Variants in MTA3 observed in about 807,000 individuals in gnomAD.
The protein encoded by MTA3 is metastasis associated 1 family member 3.
MTA3 carries 34 observed loss-of-function variants against 83.5 expected under a neutral mutation model. The ratio of observed to expected loss-of-function variants is 0.41; its 90% CI spans 0.31 to 0.54. The LOEUF is 0.54. Among genes scored for constraint, MTA3 ranks in the 20% least tolerant of loss-of-function variants. The probability of loss-of-function intolerance (pLI) is 0.33; values close to 1 mark genes in which losing one functional copy is unlikely to be tolerated. For missense variants in MTA3, 761 were observed against 726.4 expected (o/e 1.05, Z -0.55); for synonymous variants, 303 against 252.7 (o/e 1.20, Z -1.89).
intron 2 of MTA3, among the ~76,000 whole-genome samples, chr2:42,531,766 GTTTT>G (rs982817060): frequency 6.9e-6 from 1 of 145,340 alleles, no homozygotes; most frequent in East Asian, 2.1e-4. Flanking sequence ...CCAGCTTTTT[GTTTT>G]TTTTGAGACG....
chr2:42,676,554 C>G (rs1691366628), intron 8 of MTA3, among the ~76,000 whole-genome samples: 1 of 152,080 alleles, frequency 6.6e-6, no homozygotes, highest in Non-Finnish European at 1.5e-5. Flanking sequence ...TCGCTTGAGC[C>G]CAGGAGTTGG....
Position 42,552,443 on chromosome 2 carries a change from A to C in MTA3, c.-140-17994A>C, listed in dbSNP as rs144078982. Among the ~76,000 whole-genome samples the C allele has an allele frequency of 2.3e-3, 343 of 152,270 alleles. 3 individuals carry two copies. Among genetic ancestry groups the C allele is most frequent in the African/African-American group, 7.9e-3 (327 of 41,574 alleles). ...AAACTTTCTCTCACTTGGACTATTG[A>C]AAAGGCTTTTTAAAACTAGACTCCT... is the stretch of plus-strand genomic sequence containing the variant. On this transcript the variant is annotated intron_variant, in intron 2 of 17. Coordinates refer to the MTA3 transcript ENST00000405592.
intron 8 of MTA3, among the ~76,000 whole-genome samples, chr2:42,670,471 C>T (rs1421121778): frequency 6.6e-6 from 1 of 152,016 alleles, no homozygotes; most frequent in African/African-American, 2.4e-5. Flanking sequence ...GTAGAATAAG[C>T]ATTCTGATGA....
chr2:42,751,871 C>G (rs1226108654), intron 16 of MTA3, among the ~76,000 whole-genome samples: 3 of 152,202 alleles, frequency 2.0e-5, no homozygotes, highest in Admixed American at 6.5e-5. Context: ...CTGACACTTA[C>G]ATAACCTTCC....
intron 2 of MTA3, among the ~76,000 whole-genome samples, chr2:42,576,241 T>C (rs1173153063): frequency 1.3e-5 from 2 of 152,090 alleles, no homozygotes; most frequent in African/African-American, 4.8e-5. Flanking sequence ...TAGTAATGAA[T>C]TGTATTAACT....
chr2:42,717,530 T>A (rs1359678851), intron 14 of MTA3, among the ~76,000 whole-genome samples: 1 of 152,222 alleles, frequency 6.6e-6, no homozygotes, highest in Non-Finnish European at 1.5e-5. Flanking sequence ...GTTTGTATTG[T>A]ATGCTTTATT....
chr2:42,525,603 T>TTCCCTTCCTTCCTTCC (rs368874061), intron 2 of MTA3, among the ~76,000 whole-genome samples: 1 of 95,422 alleles, frequency 1.0e-5, no homozygotes, highest in Non-Finnish European at 2.2e-5. Context: ...CCTTCCTTCC[T>TTCCCTTCCTTCCTTCC]TTCCTTCCTT....
intron 4 of MTA3, among the ~76,000 whole-genome samples, chr2:42,626,351 G>A (rs1304966135): frequency 6.6e-6 from 1 of 151,654 alleles, no homozygotes; most frequent in Non-Finnish European, 1.5e-5. Flanking sequence ...AGGCTGGAGT[G>A]CAGTGGTGTA....
chr2:42,756,650 C>T lies in MTA3; in HGVS notation c.*3251C>T. On this transcript the variant is annotated 3_prime_UTR_variant, in exon 17 of 17. Transcript: ENST00000405094. ...GGGGAGGGAGGGGGAAGCCTTTATT[C>T]TTTACTGTTGTCCCTGTTTTCCTTT... 1.0e-6 allele frequency: 1 copy of T among 985,458 alleles called. No homozygotes were observed. The highest frequency in any genetic ancestry group is 1.2e-6 in the Non-Finnish European group (1 of 829,958). 61.0% of individuals were successfully genotyped at this position (985,458 alleles called of 1,614,324 possible). A position where few individuals can be genotyped will look rare whatever the true frequency, so the allele number is the denominator to read the frequency against.
At chr2:42,497,259 A>G (rs1383553891) in intron 2 of MTA3, among the ~76,000 whole-genome samples, 1 of 152,028 alleles carries the variant, frequency 6.6e-6, no homozygotes, top group Non-Finnish European at 1.5e-5. Context: ...AAAGGAGTAT[A>G]TAAAAGTAGA....
intron 3 of MTA3, among the ~76,000 whole-genome samples, chr2:42,592,829 T>C (rs949017341): frequency 2.0e-5 from 3 of 152,046 alleles, no homozygotes; most frequent in African/African-American, 7.2e-5. Context: ...TAACCTTTTT[T>C]CCTTAATGAG....
intron 4 of MTA3, among the ~76,000 whole-genome samples, chr2:42,630,800 G>C (rs1229667366): frequency 1.3e-5 from 2 of 152,024 alleles, no homozygotes; most frequent in East Asian, 3.8e-4. Flanking sequence ...TTTTTATTTT[G>C]TATTTATTTC....
chr2:42,633,837 C>T lies in MTA3; in HGVS notation c.318-6336C>T, dbSNP rs1432105588. Reference sequence around the variant, plus strand: ...CCGGGAGGCGGAGCTTGCAGTGAGCCGAGACCGCGCCACTGCACTCCAACC... The same window carrying T: ...CCGGGAGGCGGAGCTTGCAGTGAGCTGAGACCGCGCCACTGCACTCCAACC... On this transcript the variant is annotated intron_variant, in intron 4 of 16. Transcript: ENST00000405094. Among the ~76,000 whole-genome samples, 4 of 144,746 alleles carry T rather than the reference C, an allele frequency of 2.8e-5. 1 individual carries two copies. Among genetic ancestry groups the T allele is most frequent in the East Asian group, 2.1e-4 (1 of 4,824 alleles). 95.0% of individuals were successfully genotyped at this position (144,746 alleles called of 152,430 possible).
chr2:42,733,404 C>A (rs928416735), intron 16 of MTA3, among the ~76,000 whole-genome samples: 3 of 152,184 alleles, frequency 2.0e-5, no homozygotes. Context: ...TTACCTCCCT[C>A]TGGGTCCCTA....
At chr2:42,745,671 C>A (rs1669352075) in intron 16 of MTA3, among the ~76,000 whole-genome samples, 2 of 152,072 alleles carry the variant, frequency 1.3e-5, no homozygotes, top group African/African-American at 4.8e-5. Flanking sequence ...CAGATATGAG[C>A]CACTGCACCC....
At chr2:42,520,215 G>A (rs1675356251) in intron 2 of MTA3, among the ~76,000 whole-genome samples, 1 of 152,102 alleles carries the variant, frequency 6.6e-6, no homozygotes, top group South Asian at 2.1e-4. Flanking sequence ...CAGCCTCTGT[G>A]CTACAGTCTA....
intron 14 of MTA3, among the ~76,000 whole-genome samples, chr2:42,715,969 G>A (rs935698034): frequency 2.0e-5 from 3 of 152,174 alleles, no homozygotes; most frequent in African/African-American, 7.2e-5. Flanking sequence ...AATTTCAGGT[G>A]AATCAGTAAT....
At chr2:42,698,201 T>A (rs1262099439) in intron 11 of MTA3, among the ~76,000 whole-genome samples, 1 of 152,200 alleles carries the variant, frequency 6.6e-6, no homozygotes, top group African/African-American at 2.4e-5. Context: ...TTTGGAGGTT[T>A]GTTGTTTATT....
chr2:42,648,905 A>G (rs754819718), intron 6 of MTA3, among the ~76,000 whole-genome samples: 5 of 152,202 alleles, frequency 3.3e-5, no homozygotes, highest in Admixed American at 6.5e-5. Flanking sequence ...TGACTATACT[A>G]TGTTTTAATT....
Sources: gnomAD v4.1 joint callset for allele counts (sites outside exome capture counted in the v4.1 genomes callset) on GRCh38, gnomAD v4.1.1 for gene constraint, MANE v1.5 for transcripts, NCBI Gene and HGNC (gene_info 2026-07-23, HGNC 2026-07-21) for gene names.